Variants in KLF3 observed in about 807,000 individuals in gnomAD.
The protein encoded by KLF3 is Krueppel-like factor 3.
Under a neutral mutation model 32.7 loss-of-function variants are expected in KLF3, and 6 were observed. That is an observed-to-expected ratio of 0.18 (90% CI 0.10 to 0.36). KLF3 has a LOEUF of 0.36. Ranked by LOEUF, KLF3 falls within the 10% of genes least tolerant of loss-of-function variation. KLF3 has a pLI of 1.00. For missense variants in KLF3, 338 were observed against 449.7 expected, an observed-to-expected ratio of 0.75 and a Z score of 2.25; for synonymous variants, 145 against 172.8, an observed-to-expected ratio of 0.84 and a Z score of 1.26.
chr4:38,698,181 T>A lies in KLF3; in HGVS notation c.*918T>A, dbSNP rs1723104913. On this transcript the variant is annotated 3_prime_UTR_variant, in exon 6 of 6. Transcript: ENST00000261438. ...ATCTCCATTCCTACAATGTCCTTAATATGAGATCATCAAACATTGATAGTA... is the reference window on the plus strand; with the variant it reads ...ATCTCCATTCCTACAATGTCCTTAAAATGAGATCATCAAACATTGATAGTA... 6.6e-6 allele frequency: 1 copy of A among 152,242 alleles called. No homozygotes were observed. The highest frequency in any genetic ancestry group is 1.5e-5 in the Non-Finnish European group (1 of 68,038). The allele number at this position is 152,242 out of a possible 1,614,324, so 9.4% of individuals were successfully genotyped here. A position where few individuals can be genotyped will look rare whatever the true frequency, so the allele number is the denominator to read the frequency against.
At chr4:38,683,784 G>T (rs1023346126) in intron 2 of KLF3, among the ~76,000 whole-genome samples, 5 of 152,098 alleles carry the variant, frequency 3.3e-5, no homozygotes. Context: ...TTGAAGAAAG[G>T]ATTAATAATA....
chr4:38,666,357 C>T (rs901124686), intron 1 of KLF3, among the ~76,000 whole-genome samples: 2 of 152,028 alleles, frequency 1.3e-5, no homozygotes, highest in African/African-American at 4.8e-5. Context: ...TTGCTATGGG[C>T]ACAGTGATGC....
intron 1 of KLF3, among the ~76,000 whole-genome samples, chr4:38,665,751 G>A (rs1445842538): frequency 2.0e-5 from 3 of 152,224 alleles, no homozygotes; most frequent in African/African-American, 7.2e-5. Flanking sequence ...GTGGGGAATA[G>A]GCCAGTTGTT....
At chr4:38,667,211 C>A (rs1210500582) in intron 1 of KLF3, among the ~76,000 whole-genome samples, 3 of 152,136 alleles carry the variant, frequency 2.0e-5, no homozygotes, top group African/African-American at 7.2e-5. Context: ...CAGGGAGGGC[C>A]GGCTAAATGT....
intron 4 of KLF3, among the ~76,000 whole-genome samples, chr4:38,693,944 C>G (rs1234013871): frequency 6.6e-6 from 1 of 152,112 alleles, no homozygotes; most frequent in African/African-American, 2.4e-5. Context: ...GGTGCAAACT[C>G]AGGAATGAGA....
rs1205242320 is a variant in KLF3, at chr4:38,701,290, G to A, written c.*4027G>A. ...AAATCATAAAACTGCAGACAATCCA[G>A]CAAAAATCTACAAACTCACCTAGTT... On this transcript the variant is annotated 3_prime_UTR_variant, in exon 6 of 6. Transcript: ENST00000261438. Among the ~76,000 whole-genome samples, 2 of 152,130 alleles carry A rather than the reference G, an allele frequency of 1.3e-5. No individual in the cohort carries two copies. Among genetic ancestry groups the A allele is most frequent in the African/African-American group, 4.8e-5 (2 of 41,432 alleles).
rs374565047 is a variant in KLF3, at chr4:38,688,356, C to A, written c.58-229C>A. On this transcript the variant is annotated intron_variant, in intron 2 of 5. Transcript: ENST00000261438. This position sits in a 1 kb window ranked among gnomAD's most constrained non-coding sequence, Gnocchi z 4.9. The stretch of plus-strand genomic sequence containing the variant: ...TCAGATTTTTCATCTGCAGTAGTGA[C>A]CACATTGATCTTAGTTTTAATATTT... Among the ~76,000 whole-genome samples, 10 of 152,152 alleles carry A rather than the reference C, an allele frequency of 6.6e-5. No homozygotes were observed. The highest frequency in any genetic ancestry group is 1.2e-4 in the Non-Finnish European group (8 of 68,022).
chr4:38,668,636 G>A (rs542500998), intron 1 of KLF3, among the ~76,000 whole-genome samples: 37 of 152,278 alleles, frequency 2.4e-4, no homozygotes, highest in African/African-American at 7.9e-4. Context: ...CTGACCTGTA[G>A]GACAAGAGAC....
At chr4:38,692,609 G>A (rs949359679) in intron 4 of KLF3, among the ~76,000 whole-genome samples, 4 of 152,152 alleles carry the variant, frequency 2.6e-5, no homozygotes, top group African/African-American at 7.2e-5. Context: ...CAGAGAGGGC[G>A]AGATCTTGGC....
Position 38,688,487 on chromosome 4 carries a change from A to G in KLF3, c.58-98A>G. ...CTAAACTATTTTGTAAAGCCCATGT[A>G]ATTGTTAAGTGCCTTGTTAGCATAT... On this transcript the variant is annotated intron_variant, in intron 2 of 5. Coordinates refer to ENST00000261438, the MANE Select transcript of KLF3 (RefSeq NM_016531.6). This position sits in a 1 kb window ranked among gnomAD's most constrained non-coding sequence, Gnocchi z 4.9. 3 of 1,188,006 alleles carry G rather than the reference A, an allele frequency of 2.5e-6. No individual in the cohort carries two copies. Among genetic ancestry groups the G allele is most frequent in the East Asian group, 4.7e-5 (2 of 42,428 alleles). 73.6% of individuals were successfully genotyped at this position (1,188,006 alleles called of 1,614,324 possible).
chr4:38,678,547 C>T (rs1269462857), intron 1 of KLF3, among the ~76,000 whole-genome samples: 3 of 152,140 alleles, frequency 2.0e-5, no homozygotes, highest in Non-Finnish European at 2.9e-5. Context: ...GGCCTTATGT[C>T]GAGTTATTGA....
At chr4:38,681,424 G>A (rs940057070) in intron 2 of KLF3, among the ~76,000 whole-genome samples, 3 of 152,206 alleles carry the variant, frequency 2.0e-5, no homozygotes, top group Non-Finnish European at 2.9e-5. Flanking sequence ...CAGTGAGGAC[G>A]GAATCTCGTT....
At chr4:38,675,769 A>G (rs138925623) in intron 1 of KLF3, among the ~76,000 whole-genome samples, 97 of 152,290 alleles carry the variant, frequency 6.4e-4, no homozygotes, top group Admixed American at 2.4e-3. Flanking sequence ...AGATTTTCTA[A>G]GCATTTGTGG....
At position 38,697,373 on chromosome 4, in the gene KLF3, C is replaced by A; in HGVS notation, c.*110C>A. The A allele has an allele frequency of 9.6e-7, 1 of 1,042,928 alleles. No individual in the cohort carries two copies. 64.6% of individuals were successfully genotyped at this position (1,042,928 alleles called of 1,614,324 possible). On this transcript the variant is annotated 3_prime_UTR_variant, in exon 6 of 6. Coordinates refer to ENST00000261438, the MANE Select transcript of KLF3 (RefSeq NM_016531.6). ...ACATGTACATTTTAATTTGATTCAG[C>A]TGGTCTGAATCTCTGAATTTATATC...
intron 5 of KLF3, among the ~76,000 whole-genome samples, chr4:38,696,535 C>A (rs556277623): frequency 6.6e-6 from 1 of 152,058 alleles, no homozygotes; most frequent in Non-Finnish European, 1.5e-5. Flanking sequence ...GGGAAGAATT[C>A]GTATATTTTA....
At chr4:38,687,367 C>T (rs1436566869) in intron 2 of KLF3, among the ~76,000 whole-genome samples, 1 of 152,020 alleles carries the variant, frequency 6.6e-6, no homozygotes, top group African/African-American at 2.4e-5. Context: ...AAATTTACAA[C>T]AAAATGTTAG....
At chr4:38,686,378 C>T (rs1235826652) in intron 2 of KLF3, among the ~76,000 whole-genome samples, 1 of 141,824 alleles carries the variant, frequency 7.1e-6, no homozygotes, top group African/African-American at 2.6e-5. Context: ...CCCAGGAGGT[C>T]GAGGCTGCAG....
Position 38,689,854 on chromosome 4 carries a change from T to G in KLF3, c.670T>G (p.Ser224Ala). Residue 224 changes from serine (S) to alanine (A), a missense_variant, in exon 4 of 6, where the codon TCC becomes GCC. Transcript: ENST00000261438. ...GTCACCCCCCTTAATGAACTCAGTG[T>G]CCCCCCCGCAAGCATTGTTGCAAGA... Reference protein sequence around the residue: ...EMSPPLMNSVSPPQALLQENH... With the variant: ...EMSPPLMNSVAPPQALLQENH... 1 of 1,361,756 alleles carries G rather than the reference T, an allele frequency of 7.3e-7. No homozygotes were observed. Among genetic ancestry groups the G allele is most frequent in the Non-Finnish European group, 9.8e-7 (1 of 1,015,402 alleles). 84.4% of individuals were successfully genotyped at this position (1,361,756 alleles called of 1,614,324 possible). A position where few individuals can be genotyped will look rare whatever the true frequency, so the allele number is the denominator to read the frequency against.
intron 1 of KLF3, among the ~76,000 whole-genome samples, chr4:38,669,585 T>C (rs1196654858): frequency 6.6e-6 from 1 of 152,108 alleles, no homozygotes; most frequent in Non-Finnish European, 1.5e-5. Context: ...GATTCATTTC[T>C]TCCAAAGCAA....
Sources: allele counts gnomAD v4.1 joint callset (sites outside exome capture counted in the v4.1 genomes callset), GRCh38; gene constraint gnomAD v4.1.1; non-coding constraint Gnocchi (gnomAD v3.1); transcripts MANE v1.5; gene names NCBI Gene and HGNC (gene_info 2026-07-23, HGNC 2026-07-21).